The following DLGAP2 variants were observed in gnomAD, a reference collection of about 807,000 sequenced individuals.
The protein encoded by DLGAP2 is DLG associated protein 2, also known as disks large-associated protein 2.
A neutral mutation model predicts 100.3 loss-of-function variants in DLGAP2; 26 were observed. The observed-to-expected ratio is 0.26, with a 90% CI of 0.19 to 0.36. The LOEUF (loss-of-function observed/expected upper bound fraction) is 0.36. Among genes scored for constraint, DLGAP2 ranks in the 10% least tolerant of loss-of-function variants. The pLI is 1.00. For synonymous variants in DLGAP2, 886 were observed against 630.1 expected (o/e 1.41, Z -6.08); for missense variants, 1,858 against 1,453.2 (o/e 1.28, Z -4.53).
intron 1 of DLGAP2, among the ~76,000 whole-genome samples, chr8:771,256 A>G (rs1821351365): frequency 6.6e-6 from 1 of 152,226 alleles, no homozygotes; most frequent in Admixed American, 6.5e-5. Context: ...GCAAATGCTC[A>G]AAACTAAGAG....
At chr8:1,169,692 T>C (rs933686270) in intron 2 of DLGAP2, among the ~76,000 whole-genome samples, 6 of 152,112 alleles carry the variant, frequency 3.9e-5, no homozygotes, top group East Asian at 1.9e-4. Flanking sequence ...TTGTCTGTTG[T>C]TGGTGTATAA....
chr8:1,255,742 T>G (rs1799189768), intron 2 of DLGAP2, among the ~76,000 whole-genome samples: 1 of 146,630 alleles, frequency 6.8e-6, no homozygotes, highest in South Asian at 2.3e-4. Context: ...GCCCGAGCAC[T>G]GTATGTGTGT....
intron 2 of DLGAP2, among the ~76,000 whole-genome samples, chr8:1,199,853 A>AATC (rs1797831891): frequency 6.6e-6 from 1 of 152,124 alleles, no homozygotes. Context: ...GAAACACTGG[A>AATC]ATCATCGGCT....
At chr8:1,292,592 A>C (rs181240389) in intron 3 of DLGAP2, among the ~76,000 whole-genome samples, 2 of 152,272 alleles carry the variant, frequency 1.3e-5, no homozygotes, top group African/African-American at 4.8e-5. Context: ...ATTCTCCCTG[A>C]AATATTTTTG....
chr8:1,057,871 G>C (rs1444120016), intron 2 of DLGAP2, among the ~76,000 whole-genome samples: 1 of 152,060 alleles, frequency 6.6e-6, no homozygotes, highest in East Asian at 1.9e-4. Context: ...AAAAAAAAAA[G>C]AGGTTGCATT....
intron 13 of DLGAP2, 29 bp downstream of exon 13, chr8:1,691,655 C>T (rs1365047518): frequency 1.9e-6 from 3 of 1,566,884 alleles, no homozygotes; most frequent in Non-Finnish European, 8.8e-7. Context: ...AACCCCTGTT[C>T]CCTGTAACCA....
At chr8:1,046,101 C>G (rs897119847) in intron 2 of DLGAP2, among the ~76,000 whole-genome samples, 1 of 152,138 alleles carries the variant, frequency 6.6e-6, no homozygotes, top group African/African-American at 2.4e-5. Flanking sequence ...AAAAGCTGCC[C>G]AGTTACCAGT....
chr8:1,184,209 A>G (rs1467003564), intron 2 of DLGAP2, among the ~76,000 whole-genome samples: 1 of 152,240 alleles, frequency 6.6e-6, no homozygotes, highest in Non-Finnish European at 1.5e-5. Flanking sequence ...AAGCCATTTA[A>G]AAGGTTAAAA....
intron 8 of DLGAP2, among the ~76,000 whole-genome samples, chr8:1,636,101 A>G: frequency 6.6e-6 from 1 of 152,230 alleles, no homozygotes; most frequent in East Asian, 1.9e-4. Flanking sequence ...GAAAACATCT[A>G]ACTCATTTCA....
chr8:1,549,766 C>G (rs1185843102), intron 5 of DLGAP2, 83 bp downstream of exon 5: 1 of 1,338,662 alleles, frequency 7.5e-7, no homozygotes, highest in Non-Finnish European at 1.0e-6. Context: ...TGACAGATAA[C>G]AACTGCATAC....
rs575047218 is a variant in DLGAP2 at position 1,107,583 on chromosome 8, G to A, written c.74-151268G>A. 7.2e-5 allele frequency among the ~76,000 whole-genome samples: 11 copies of A among 152,342 alleles called. No individual in the cohort carries two copies. In the East Asian group the frequency reaches 2.1e-3, roughly 29 times the overall value. ...CAGCGGAATTCCAGGGTGGAAACAC[G>A]GAGGCAGCTGACTATCGAGAATCCT... On this transcript the variant is annotated intron_variant, in intron 2 of 14. Coordinates refer to ENST00000637795, the MANE Select transcript of DLGAP2 (RefSeq NM_001346810.2).
intron 3 of DLGAP2, among the ~76,000 whole-genome samples, chr8:1,311,846 A>G (rs1050613894): frequency 1.3e-5 from 2 of 152,218 alleles, no homozygotes; most frequent in South Asian, 4.1e-4. Context: ...CTCCAAGAAG[A>G]CACAGCAATC....
At chr8:905,451 C>G (rs1403230742) in intron 1 of DLGAP2, among the ~76,000 whole-genome samples, 2 of 150,250 alleles carry the variant, frequency 1.3e-5, no homozygotes, top group East Asian at 3.9e-4. Context: ...TCAAGCGATT[C>G]CCCCCCCACA....
At chr8:1,387,869 G>C (rs1039079035) in intron 3 of DLGAP2, among the ~76,000 whole-genome samples, 2 of 152,228 alleles carry the variant, frequency 1.3e-5, no homozygotes, top group Admixed American at 1.3e-4. Flanking sequence ...CTGTGGATTT[G>C]ATGGCGCTGG....
intron 1 of DLGAP2, among the ~76,000 whole-genome samples, chr8:749,533 A>G (rs546249339): frequency 1.3e-5 from 2 of 152,178 alleles, no homozygotes; most frequent in East Asian, 3.9e-4. Context: ...GTTAATTTTC[A>G]TCGATGTGTA....
rs1032303967 is a variant in DLGAP2 at position 1,206,282 on chromosome 8, G to A, written c.74-52569G>A. On this transcript the variant is annotated intron_variant, in intron 2 of 14. Coordinates refer to ENST00000637795, the MANE Select transcript of DLGAP2 (RefSeq NM_001346810.2). The stretch of plus-strand genomic sequence containing the variant: ...TGCAGCTCCAGCCATCCATGGGCTG[G>A]GGTAGACTGTGAGCGGTTAATCTCC... Among the ~76,000 whole-genome samples the A allele has an allele frequency of 4.6e-5, 7 of 151,842 alleles. 1 individual carries two copies. The highest frequency in any genetic ancestry group is 1.0e-4 in the Non-Finnish European group (7 of 67,988).
At chr8:1,623,501 G>C (rs1026201663) in intron 6 of DLGAP2, among the ~76,000 whole-genome samples, 1 of 151,998 alleles carries the variant, frequency 6.6e-6, no homozygotes, top group Non-Finnish European at 1.5e-5. Flanking sequence ...CCTGGCACCA[G>C]TGCGTGATGA....
At chr8:1,226,741 C>T (rs754892933) in intron 2 of DLGAP2, among the ~76,000 whole-genome samples, 1 of 152,054 alleles carries the variant, frequency 6.6e-6, no homozygotes, top group African/African-American at 2.4e-5. Context: ...GCTTTTCACA[C>T]AACTGTTGAA....
At chr8:1,315,014 T>C (rs1335961985) in intron 3 of DLGAP2, among the ~76,000 whole-genome samples, 3 of 152,244 alleles carry the variant, frequency 2.0e-5, no homozygotes, top group African/African-American at 7.2e-5. Flanking sequence ...TAGTTATTAA[T>C]AGGACTTCCA....
Sources: allele counts gnomAD v4.1 joint callset (sites outside exome capture counted in the v4.1 genomes callset), GRCh38; gene constraint gnomAD v4.1.1; transcripts MANE v1.5; gene names NCBI Gene and HGNC (gene_info 2026-07-23, HGNC 2026-07-21).